ACTN4: variants seen among roughly 807,000 people sequenced by gnomAD.
ACTN4 encodes the protein alpha-actinin-4.
In ACTN4, 18 loss-of-function variants were observed where a neutral mutation model predicts 114.2. The ratio of observed to expected loss-of-function variants is 0.16; its 90% CI spans 0.11 to 0.23. The LOEUF (loss-of-function observed/expected upper bound fraction) is 0.23, where lower values mean the gene tolerates loss of function less well. ACTN4 is among the 10% of genes least tolerant of loss of function. ACTN4 has a pLI of 1.00. For missense variants in ACTN4, 722 were observed against 1,262.9 expected (o/e 0.57, Z 6.49); for synonymous variants, 515 against 506.3 (o/e 1.02, Z -0.23).
At chr19:38,652,328 TC>T (rs1976589176) in intron 1 of ACTN4, among the ~76,000 whole-genome samples, 1 of 152,178 alleles carries the variant, frequency 6.6e-6, no homozygotes, top group Non-Finnish European at 1.5e-5. Flanking sequence ...CTCTGTTCTC[TC>T]CCCTCATCCT....
At chr19:38,696,833 G>A (rs1968111127) in intron 1 of ACTN4, among the ~76,000 whole-genome samples, 1 of 152,232 alleles carries the variant, frequency 6.6e-6, no homozygotes, top group African/African-American at 2.4e-5. Context: ...GGCCAGGCGA[G>A]TGGGCATCCT....
chr19:38,691,868 A>G (rs1332065472), intron 1 of ACTN4, among the ~76,000 whole-genome samples: 1 of 152,078 alleles, frequency 6.6e-6, no homozygotes, highest in South Asian at 2.1e-4. Flanking sequence ...ATGCCACCGC[A>G]CTCCAACCTG....
At chr19:38,725,941 A>G in intron 17 of ACTN4, 38 bp downstream of exon 17, 1 of 1,611,338 alleles carries the variant, frequency 6.2e-7, no homozygotes, top group Admixed American at 1.7e-5. Flanking sequence ...TTCCACCAGC[A>G]TGGCCGGCTT....
intron 1 of ACTN4, among the ~76,000 whole-genome samples, chr19:38,672,943 C>CTTT (rs35501640): frequency 1.6e-5 from 2 of 122,920 alleles, no homozygotes; most frequent in African/African-American, 3.0e-5. Flanking sequence ...GCCATCCATT[C>CTTT]TTTTTTTTTT....
At chr19:38,672,354 C>T (rs1168051392) in intron 1 of ACTN4, among the ~76,000 whole-genome samples, 1 of 150,612 alleles carries the variant, frequency 6.6e-6, no homozygotes, top group Non-Finnish European at 1.5e-5. Context: ...AATTCTCCTG[C>T]CTCAGCCTCC....
intron 1 of ACTN4, among the ~76,000 whole-genome samples, chr19:38,678,544 C>T (rs1026302454): frequency 8.5e-5 from 13 of 152,218 alleles, no homozygotes; most frequent in Admixed American, 5.9e-4. Flanking sequence ...TATGGGGCAT[C>T]GGCAGAGAAG....
chr19:38,712,485 ACGG>A, intron 8 of ACTN4, among the ~76,000 whole-genome samples: 1 of 152,282 alleles, frequency 6.6e-6, no homozygotes, highest in East Asian at 1.9e-4. Flanking sequence ...AGTGCCTGGC[ACGG>A]CAGCTGCCAT....
At chr19:38,660,978 A>G (rs1306704658) in intron 1 of ACTN4, among the ~76,000 whole-genome samples, 1 of 151,960 alleles carries the variant, frequency 6.6e-6, no homozygotes, top group Non-Finnish European at 1.5e-5. Flanking sequence ...TTAACGGATG[A>G]GAAAGAGAGA....
At chr19:38,661,594 C>A (rs1398537042) in intron 1 of ACTN4, among the ~76,000 whole-genome samples, 1 of 152,158 alleles carries the variant, frequency 6.6e-6, no homozygotes, top group Non-Finnish European at 1.5e-5. Context: ...AGTTGGAAGC[C>A]AGGAAGCCTG....
intron 3 of ACTN4, among the ~76,000 whole-genome samples, chr19:38,701,882 A>G (rs1968288300): frequency 6.6e-6 from 1 of 152,228 alleles, no homozygotes; most frequent in Admixed American, 6.5e-5. Context: ...AAAACAAAGT[A>G]AACTAATTGC....
chr19:38,676,050 A>G (rs1967365506), intron 1 of ACTN4, among the ~76,000 whole-genome samples: 1 of 152,212 alleles, frequency 6.6e-6, no homozygotes, highest in African/African-American at 2.4e-5. Flanking sequence ...TGACTACCAC[A>G]GGGCTGTCAG....
At chr19:38,683,004 G>A (rs534975081) in intron 1 of ACTN4, among the ~76,000 whole-genome samples, 1 of 152,334 alleles carries the variant, frequency 6.6e-6, no homozygotes, top group South Asian at 2.1e-4. Context: ...TAGACTGTAA[G>A]TTGCATGAGG....
At chr19:38,719,865 G>A (rs1396254934) in intron 11 of ACTN4, among the ~76,000 whole-genome samples, 1 of 152,196 alleles carries the variant, frequency 6.6e-6, no homozygotes, top group Admixed American at 6.5e-5. Flanking sequence ...CCTCCCCTGG[G>A]AAGGGCTCTG....
At chr19:38,723,877 C>T (rs756061839) in intron 13 of ACTN4, 60 bp from the exon 14 acceptor site, 76 of 1,587,548 alleles carry the variant, frequency 4.8e-5, no homozygotes, top group Non-Finnish European at 5.9e-5. Flanking sequence ...CCCCACCCCT[C>T]CTGCTCACAT....
intron 1 of ACTN4, among the ~76,000 whole-genome samples, chr19:38,667,973 G>A (rs184973393): frequency 1.3e-5 from 2 of 152,284 alleles, no homozygotes; most frequent in South Asian, 2.1e-4. Context: ...TTTATACGGC[G>A]GAAGGCAGTC....
chr19:38,713,641 G>A (rs1479665887), intron 8 of ACTN4, among the ~76,000 whole-genome samples: 3 of 152,156 alleles, frequency 2.0e-5, no homozygotes, highest in Admixed American at 6.5e-5. Flanking sequence ...GCTGGGCGTC[G>A]CTGCCTGCAG....
chr19:38,695,884 C>T (rs1965212818), intron 1 of ACTN4, among the ~76,000 whole-genome samples: 3 of 152,140 alleles, frequency 2.0e-5, no homozygotes, highest in African/African-American at 4.8e-5. Flanking sequence ...GCTCCCATCC[C>T]AGGGGAGGTG....
intron 1 of ACTN4, among the ~76,000 whole-genome samples, chr19:38,663,177 C>T (rs1305955371): frequency 6.6e-6 from 1 of 152,150 alleles, no homozygotes; most frequent in Non-Finnish European, 1.5e-5. Context: ...TCCCAAAGTG[C>T]TGGGATTACG....
Position 38,727,226 on chromosome 19 carries a change from A to C in ACTN4, c.2337+123A>C, listed in dbSNP as rs1233511465. 2 of 1,423,430 alleles carry C rather than the reference A, an allele frequency of 1.4e-6. No homozygotes were observed. The highest frequency in any genetic ancestry group is 1.4e-5 in the African/African-American group (1 of 70,782). The allele number at this position is 1,423,430 out of a possible 1,614,324, so 88.2% of individuals were successfully genotyped here. ...TTGCTGAGCGTCGGCCGCCACTCCC[A>C]GGGCCAGCAGGGCCCTGCCACTGTC... is the stretch of plus-strand genomic sequence containing the variant. On this transcript the variant is annotated intron_variant, in intron 18 of 20. Coordinates refer to ENST00000252699, the MANE Select transcript of ACTN4 (RefSeq NM_004924.6). The surrounding 1 kb of genome is among the most constrained non-coding windows in gnomAD (Gnocchi z 5.4).
Sources: allele counts gnomAD v4.1 joint callset (sites outside exome capture counted in the v4.1 genomes callset), GRCh38; gene constraint gnomAD v4.1.1; non-coding constraint Gnocchi (gnomAD v3.1); transcripts MANE v1.5; gene names NCBI Gene and HGNC (gene_info 2026-07-23, HGNC 2026-07-21).